Variants in KHDRBS2 observed in about 807,000 individuals in gnomAD.
The protein encoded by KHDRBS2 is KH domain-containing, RNA-binding, signal transduction-associated protein 2.
Under a neutral mutation model 44.3 loss-of-function variants are expected in KHDRBS2, and 26 were observed. The observed-to-expected ratio is 0.59, with a 90% CI of 0.43 to 0.81. The LOEUF (loss-of-function observed/expected upper bound fraction) is 0.81, where lower values mean the gene tolerates loss of function less well. Ranked by LOEUF, KHDRBS2 falls within the 40% of genes least tolerant of loss-of-function variation. KHDRBS2 has a pLI of 0.00. For missense variants in KHDRBS2, 476 were observed against 433.1 expected (o/e 1.10, Z -0.88); for synonymous variants, 194 against 151.1 (o/e 1.28, Z -2.08).
chr6:62,204,451 G>C (rs1469951019), intron 1 of KHDRBS2, among the ~76,000 whole-genome samples: 2 of 152,038 alleles, frequency 1.3e-5, no homozygotes, highest in African/African-American at 4.8e-5. Flanking sequence ...TTGGATTTGG[G>C]ACTTTTTCGG....
chr6:61,756,895 G>A (rs1778573796), intron 6 of KHDRBS2, among the ~76,000 whole-genome samples: 2 of 152,080 alleles, frequency 1.3e-5, no homozygotes, highest in Non-Finnish European at 2.9e-5. Context: ...CTTTCCTCAG[G>A]CAACAAATGA....
chr6:61,547,823 T>C, the KHDRBS2 span, among the ~76,000 whole-genome samples: 1 of 152,154 alleles, frequency 6.6e-6, no homozygotes, highest in South Asian at 2.1e-4. Flanking sequence ...ATACATTTTA[T>C]ATGCATTCTT....
At chr6:61,602,264 T>C in the KHDRBS2 span, among the ~76,000 whole-genome samples, 1 of 152,206 alleles carries the variant, frequency 6.6e-6, no homozygotes, top group Admixed American at 6.5e-5. Flanking sequence ...GTTCCTTGCC[T>C]CCACTGTGAG....
At chr6:61,901,097 G>C (rs747772588) in intron 5 of KHDRBS2, 147 bp downstream of exon 5, 5 of 737,494 alleles carry the variant, frequency 6.8e-6, no homozygotes, top group Non-Finnish European at 8.7e-6. Flanking sequence ...TTCTGTGCCT[G>C]ATAAGCTTTC....
intron 6 of KHDRBS2, among the ~76,000 whole-genome samples, chr6:61,798,181 C>T (rs190161657): frequency 1.3e-5 from 2 of 152,078 alleles, no homozygotes; most frequent in Non-Finnish European, 2.9e-5. Flanking sequence ...TCTCATGCCA[C>T]AATTAGTGAA....
chr6:62,022,053 A>G (rs1332650490), intron 3 of KHDRBS2, among the ~76,000 whole-genome samples: 2 of 149,498 alleles, frequency 1.3e-5, no homozygotes, highest in Non-Finnish European at 3.0e-5. Context: ...TATATTCTGT[A>G]GGGGAGAACA....
the KHDRBS2 span, among the ~76,000 whole-genome samples, chr6:61,606,078 G>A: frequency 2.6e-5 from 4 of 151,990 alleles, no homozygotes; most frequent in East Asian, 1.9e-4. Context: ...TGTGAACCCC[G>A]CCCCTGCCAG....
At chr6:61,599,341 T>C in the KHDRBS2 span, among the ~76,000 whole-genome samples, 2 of 152,298 alleles carry the variant, frequency 1.3e-5, no homozygotes, top group East Asian at 3.9e-4. Context: ...GTCAGCTTAT[T>C]TGTTTCATAA....
At chr6:61,845,871 A>G (rs1185008458) in intron 6 of KHDRBS2, among the ~76,000 whole-genome samples, 1 of 152,124 alleles carries the variant, frequency 6.6e-6, no homozygotes, top group Non-Finnish European at 1.5e-5. Flanking sequence ...TCCCTACCCA[A>G]ATCTCATCCT....
At chr6:61,834,787 G>T (rs1208623526) in intron 6 of KHDRBS2, among the ~76,000 whole-genome samples, 4 of 151,898 alleles carry the variant, frequency 2.6e-5, no homozygotes, top group African/African-American at 9.7e-5. Flanking sequence ...TTTGTAAAAT[G>T]GATAATTTAA....
intron 3 of KHDRBS2, among the ~76,000 whole-genome samples, chr6:62,022,024 C>A (rs1385783116): frequency 6.8e-6 from 1 of 148,094 alleles, no homozygotes; most frequent in African/African-American, 2.5e-5. Flanking sequence ...TACACACACA[C>A]AAACACTATA....
the KHDRBS2 span, among the ~76,000 whole-genome samples, chr6:61,658,083 T>C: frequency 6.6e-6 from 1 of 151,888 alleles, no homozygotes. Context: ...ATGCTAAATA[T>C]CTAAGAATTC....
chr6:62,151,540 A>C (rs892909375), intron 2 of KHDRBS2, among the ~76,000 whole-genome samples: 1 of 152,204 alleles, frequency 6.6e-6, no homozygotes, highest in African/African-American at 2.4e-5. Flanking sequence ...ACCCAAAAAA[A>C]CCCCACCACA....
chr6:61,767,125 C>T (rs1043776020), intron 6 of KHDRBS2, among the ~76,000 whole-genome samples: 21 of 151,996 alleles, frequency 1.4e-4, no homozygotes, highest in African/African-American at 4.6e-4. Context: ...CTTTATATAT[C>T]TGGGTGCTCC....
intron 6 of KHDRBS2, among the ~76,000 whole-genome samples, chr6:61,807,212 T>C (rs1787303459): frequency 6.6e-6 from 1 of 152,252 alleles, no homozygotes; most frequent in South Asian, 2.1e-4. Context: ...GGAATGCTTA[T>C]ACACTGCTGG....
intron 7 of KHDRBS2, among the ~76,000 whole-genome samples, chr6:61,728,451 A>G (rs1773926528): frequency 6.6e-6 from 1 of 152,146 alleles, no homozygotes; most frequent in Non-Finnish European, 1.5e-5. Flanking sequence ...TTAAAATAAA[A>G]GTTGAAGAAA....
intron 2 of KHDRBS2, among the ~76,000 whole-genome samples, chr6:62,056,328 T>TA: frequency 6.6e-6 from 1 of 151,964 alleles, no homozygotes; most frequent in East Asian, 1.9e-4. Flanking sequence ...ACGCTTTACA[T>TA]AAAACTCATA....
rs151222173 is a variant in KHDRBS2, at chr6:61,904,531, C to T, written c.484-3160G>A. Among the ~76,000 whole-genome samples, 497 of 152,314 alleles carry T rather than the reference C, an allele frequency of 3.3e-3. 2 individuals carry two copies. Among genetic ancestry groups the T allele is most frequent in the Non-Finnish European group, 6.2e-3 (423 of 68,032 alleles). ...AACTACAGATGTAATTGACCAAAGA[C>T]TTCAGTTGCTGTGCTCTAAAATCCT... On this transcript the variant is annotated intron_variant, in intron 4 of 8. Transcript: ENST00000281156.
rs200395967 is a variant in KHDRBS2, at chr6:61,680,639, CAAA to C, written c.*321_*323del. The C allele has an allele frequency of 1.2e-4, 16 of 131,396 alleles. No homozygotes were observed. Among genetic ancestry groups the C allele is most frequent in the South Asian group, 2.6e-4 (1 of 3,842 alleles). The allele number at this position is 131,396 out of a possible 1,614,324, so 8.1% of individuals were successfully genotyped here. A position where few individuals can be genotyped will look rare whatever the true frequency, so the allele number is the denominator to read the frequency against. On this transcript the variant is annotated 3_prime_UTR_variant, in exon 9 of 9. Coordinates refer to ENST00000281156, the MANE Select transcript of KHDRBS2 (RefSeq NM_152688.4). The stretch of plus-strand genomic sequence containing the variant: ...CTGTTAACAAATTCATGCTTTTCCT[CAAA>C]AAAAAAAAAAAGAAAAAGAAAAAAA...
Sources: allele counts gnomAD v4.1 joint callset (sites outside exome capture counted in the v4.1 genomes callset), GRCh38; gene constraint gnomAD v4.1.1; transcripts MANE v1.5; gene names NCBI Gene and HGNC (gene_info 2026-07-23, HGNC 2026-07-21).